The following NAV3 variants were observed in gnomAD, a reference collection of about 807,000 sequenced individuals.
NAV3 encodes pore membrane and/or filament interacting like protein 1.
In NAV3, 87 loss-of-function variants were observed where a neutral mutation model predicts 244.7. That is an observed-to-expected ratio of 0.36 (90% CI 0.30 to 0.42). The LOEUF (loss-of-function observed/expected upper bound fraction) is 0.42, where lower values mean the gene tolerates loss of function less well. Among genes scored for constraint, NAV3 ranks in the 20% least tolerant of loss-of-function variants. The probability of loss-of-function intolerance (pLI) is 1.00; values close to 1 mark genes in which losing one functional copy is unlikely to be tolerated. For synonymous variants in NAV3, 1,126 were observed against 1,042.2 expected (o/e 1.08, Z -1.55); for missense variants, 2,663 against 2,893.3 (o/e 0.92, Z 1.83).
chr12:77,937,300 A>G (rs1376110367), intron 1 of NAV3, among the ~76,000 whole-genome samples: 1 of 152,206 alleles, frequency 6.6e-6, no homozygotes, highest in Non-Finnish European at 1.5e-5. Flanking sequence ...ATTCTGGATC[A>G]AACAAAAAAT....
At chr12:77,889,101 A>C (rs1883641461) in intron 1 of NAV3, among the ~76,000 whole-genome samples, 1 of 152,180 alleles carries the variant, frequency 6.6e-6, no homozygotes, top group Non-Finnish European at 1.5e-5. Context: ...GAGTGCCAAG[A>C]CTTTTGGTCA....
At chr12:78,059,967 GTGTGTGTGTGTGTGTC>G (rs1884090426) in intron 12 of NAV3, among the ~76,000 whole-genome samples, 2 of 151,864 alleles carry the variant, frequency 1.3e-5, no homozygotes, top group South Asian at 2.1e-4. Flanking sequence ...AAAGATGTGT[GTGTGTGTGTGTGTGTC>G]TGTGTGTGTG....
At chr12:78,144,222 A>G (rs894603294) in intron 20 of NAV3, among the ~76,000 whole-genome samples, 1 of 152,202 alleles carries the variant, frequency 6.6e-6, no homozygotes, top group African/African-American at 2.4e-5. Context: ...ATTGTTTAAC[A>G]TGTTGCCTAA....
chr12:78,038,321 G>A (rs1242074885), intron 9 of NAV3, among the ~76,000 whole-genome samples: 1 of 152,146 alleles, frequency 6.6e-6, no homozygotes, highest in African/African-American at 2.4e-5. Flanking sequence ...TTTCCACAAA[G>A]GGCTTCATAT....
intron 1 of NAV3, among the ~76,000 whole-genome samples, chr12:77,851,024 G>A (rs1877434752): frequency 1.3e-5 from 2 of 152,124 alleles, no homozygotes; most frequent in African/African-American, 2.4e-5. Context: ...CATAGACATC[G>A]GATACGCTGT....
intron 2 of NAV3, among the ~76,000 whole-genome samples, chr12:77,650,696 TG>T (rs1947463300): frequency 6.6e-6 from 1 of 152,166 alleles, no homozygotes; most frequent in Non-Finnish European, 1.5e-5. Flanking sequence ...AATAGATTTT[TG>T]TTTCATGGAT....
Position 77,968,684 on chromosome 12 carries a change from A to G in NAV3, c.653A>G (p.Gln218Arg). The G allele has an allele frequency of 3.7e-6, 6 of 1,614,056 alleles. No homozygotes were observed. The highest frequency in any genetic ancestry group is 5.1e-6 in the Non-Finnish European group (6 of 1,179,970). The change falls in exon 5 of 40, where the codon CAG (glutamine) becomes CGG (arginine). Residue 218 changes from glutamine (Q) to arginine (R), a missense_variant. Coordinates refer to ENST00000397909, the MANE Select transcript of NAV3 (RefSeq NM_001024383.2). ...TCGGAAGCCAGCCAGGCCAAAACCC[A>G]GCAAGATATGCAGTCCAGGTAAGGA... ...PPSEASQAKTQQDMQSSLAAR... is the reference protein window; with the variant it reads ...PPSEASQAKTRQDMQSSLAAR...
intron 16 of NAV3, among the ~76,000 whole-genome samples, chr12:78,126,516 A>T (rs1479193040): frequency 2.6e-5 from 4 of 152,152 alleles, no homozygotes; most frequent in Non-Finnish European, 5.9e-5. Flanking sequence ...CTTGTTACCA[A>T]TTGTGAATTC....
At chr12:78,067,601 C>A (rs1054465703) in intron 12 of NAV3, among the ~76,000 whole-genome samples, 1 of 152,038 alleles carries the variant, frequency 6.6e-6, no homozygotes, top group African/African-American at 2.4e-5. Flanking sequence ...ATGTTGAGAA[C>A]CTACTCTCTG....
At chr12:78,138,250 G>C (rs300464) in intron 19 of NAV3, among the ~76,000 whole-genome samples, 49,833 of 151,940 alleles carry the variant, frequency 0.33, 8,522 homozygotes, top group East Asian at 0.48. Context: ...CCATTTACTT[G>C]TGGTATAAAC....
intron 2 of NAV3, among the ~76,000 whole-genome samples, chr12:77,658,640 C>T (rs1437258174): frequency 3.3e-5 from 5 of 152,054 alleles, no homozygotes; most frequent in African/African-American, 9.7e-5. Context: ...AAAAGGAGCC[C>T]GCATTGCCAA....
chr12:77,972,219 T>A (rs1391235605), intron 5 of NAV3, among the ~76,000 whole-genome samples: 2 of 152,288 alleles, frequency 1.3e-5, no homozygotes, highest in Admixed American at 1.3e-4. Flanking sequence ...TGCATGTGTG[T>A]CCTGCTCAAG....
intron 2 of NAV3, among the ~76,000 whole-genome samples, chr12:77,796,328 C>T (rs1345238149): frequency 1.3e-5 from 2 of 152,076 alleles, no homozygotes; most frequent in Non-Finnish European, 2.9e-5. Flanking sequence ...GGAAAAAGCA[C>T]AAGAACTAGA....
intron 1 of NAV3, among the ~76,000 whole-genome samples, chr12:77,891,263 A>C (rs1261667415): frequency 1.3e-5 from 2 of 149,270 alleles, no homozygotes; most frequent in Non-Finnish European, 1.5e-5. Context: ...ACATTTATAA[A>C]GATAAATTTA....
At chr12:77,962,348 C>T (rs1892100215) in intron 3 of NAV3, among the ~76,000 whole-genome samples, 1 of 152,156 alleles carries the variant, frequency 6.6e-6, no homozygotes. Flanking sequence ...TACGAACCAT[C>T]TACTTTTGAA....
intron 9 of NAV3, among the ~76,000 whole-genome samples, chr12:78,029,270 A>G (rs374697858): frequency 4.5e-4 from 69 of 152,156 alleles, no homozygotes; most frequent in African/African-American, 1.6e-3. Flanking sequence ...ATGAGGCTCC[A>G]GTTGTTCATT....
intron 12 of NAV3, among the ~76,000 whole-genome samples, chr12:78,101,022 C>T (rs981849465): frequency 6.6e-6 from 1 of 152,118 alleles, no homozygotes; most frequent in African/African-American, 2.4e-5. Flanking sequence ...ACTTCATTCC[C>T]TTGGTTTTTG....
At chr12:78,087,456 A>G (rs1323591386) in intron 12 of NAV3, among the ~76,000 whole-genome samples, 1 of 152,016 alleles carries the variant, frequency 6.6e-6, no homozygotes, top group Non-Finnish European at 1.5e-5. Flanking sequence ...AGATGTTACC[A>G]AAGTAACCAC....
At chr12:78,157,484 C>T (rs1429349899) in intron 22 of NAV3, among the ~76,000 whole-genome samples, 1 of 151,842 alleles carries the variant, frequency 6.6e-6, no homozygotes, top group African/African-American at 2.4e-5. Context: ...TCACTTTAGC[C>T]CAGGAGTTTA....
Sources: allele counts gnomAD v4.1 joint callset (sites outside exome capture counted in the v4.1 genomes callset), GRCh38; gene constraint gnomAD v4.1.1; transcripts MANE v1.5; gene names NCBI Gene and HGNC (gene_info 2026-07-23, HGNC 2026-07-21).